GFRA1: variants seen among roughly 807,000 people sequenced by gnomAD.
GFRA1 encodes GDNF family receptor alpha 1, also known as GDNF family receptor alpha-1.
In GFRA1, 16 loss-of-function variants were observed where a neutral mutation model predicts 51.6. The observed-to-expected ratio is 0.31, with a 90% confidence interval of 0.21 to 0.47. The LOEUF is 0.47. Ranked by LOEUF, GFRA1 falls within the 20% of genes least tolerant of loss-of-function variation. The pLI, the probability that GFRA1 is intolerant of heterozygous loss-of-function variation, is 1.00. For synonymous variants in GFRA1, 270 were observed against 241.3 expected (o/e 1.12, Z -1.10); for missense variants, 530 against 594.3 (o/e 0.89, Z 1.13).
chr10:116,212,834 T>C (rs1413968760), intron 4 of GFRA1, among the ~76,000 whole-genome samples: 2 of 152,206 alleles, frequency 1.3e-5, no homozygotes, highest in Admixed American at 6.5e-5. Flanking sequence ...CAATTAGGAA[T>C]TGTGATGAAC....
chr10:116,214,170 C>A (rs111290978), intron 4 of GFRA1, among the ~76,000 whole-genome samples: 191 of 152,302 alleles, frequency 1.3e-3, no homozygotes, highest in African/African-American at 4.2e-3. Flanking sequence ...AGCCGGCACA[C>A]CTGGAGGAGC....
At chr10:116,134,841 T>A (rs1019038342) in intron 5 of GFRA1, among the ~76,000 whole-genome samples, 3 of 152,180 alleles carry the variant, frequency 2.0e-5, no homozygotes, top group African/African-American at 7.2e-5. Context: ...GCACATTCTG[T>A]CGCTTGCCTG....
intron 4 of GFRA1, among the ~76,000 whole-genome samples, chr10:116,248,330 T>A (rs1284085148): frequency 6.6e-6 from 1 of 152,174 alleles, no homozygotes; most frequent in African/African-American, 2.4e-5. Flanking sequence ...ACCTCCACCA[T>A]GCCAGGCTCA....
At position 116,082,076 on chromosome 10, in the gene GFRA1, C is replaced by T. The variant is rs150960785; in HGVS notation, c.1197+7665G>A. On this transcript the variant is annotated intron_variant, in intron 9 of 10. Transcript: ENST00000355422. The stretch of plus-strand genomic sequence containing the variant: ...AGAGGCAGGACTAGTTCTCAAATAC[C>T]GTCTTTTCTGCAACCAAGAATGTTT... Among the ~76,000 whole-genome samples, 12 of 152,248 alleles carry T rather than the reference C, an allele frequency of 7.9e-5. No individual in the cohort carries two copies. In the East Asian group the frequency reaches 2.3e-3, roughly 29 times the overall value.
At chr10:116,230,662 G>A (rs550403150) in intron 4 of GFRA1, among the ~76,000 whole-genome samples, 6 of 151,904 alleles carry the variant, frequency 3.9e-5, no homozygotes, top group Admixed American at 2.6e-4. Flanking sequence ...GAGGCCATAC[G>A]TACAAACAGG....
At chr10:116,273,644 ACACTCTCTCTCT>A (rs1276476085), upstream of GFRA1, among the ~76,000 whole-genome samples, 1 of 146,500 alleles carries the variant, frequency 6.8e-6, no homozygotes, top group Non-Finnish European at 1.5e-5. Context: ...CCAGACACAC[ACACTCTCTCTCT>A]CTCTCTCTCT....
chr10:116,059,697 T>C lies in GFRA1; in HGVS notation c.*4701A>G, dbSNP rs1416458749. Reference sequence around the variant, plus strand: ...CATTCTGCTGAAAACCACCCCTGCATTGTCTCTGGGAGGGAGGAGAAGCTC... The same window carrying C: ...CATTCTGCTGAAAACCACCCCTGCACTGTCTCTGGGAGGGAGGAGAAGCTC... On this transcript the variant is annotated 3_prime_UTR_variant, in exon 11 of 11. Transcript: ENST00000355422. 6.6e-6 allele frequency: 1 copy of C among 152,190 alleles called. No homozygotes were observed. Among genetic ancestry groups the C allele is most frequent in the Non-Finnish European group, 1.5e-5 (1 of 68,066 alleles). The allele number at this position is 152,190 out of a possible 1,614,324, so 9.4% of individuals were successfully genotyped here.
intron 5 of GFRA1, among the ~76,000 whole-genome samples, chr10:116,154,207 C>T (rs1304722174): frequency 6.6e-6 from 1 of 152,202 alleles, no homozygotes; most frequent in Admixed American, 6.5e-5. Context: ...TAAGCATTCT[C>T]TTACGACCTG....
chr10:116,212,852 T>A (rs1965306106), intron 4 of GFRA1, among the ~76,000 whole-genome samples: 1 of 152,248 alleles, frequency 6.6e-6, no homozygotes, highest in African/African-American at 2.4e-5. Context: ...AACATTTTCA[T>A]ACATATCTCT....
chr10:116,232,626 A>C (rs533300659), intron 4 of GFRA1, among the ~76,000 whole-genome samples: 1 of 152,364 alleles, frequency 6.6e-6, no homozygotes, highest in South Asian at 2.1e-4. Context: ...GCATAGATAG[A>C]GAGAAAAGGA....
intron 8 of GFRA1, 92 bp from the exon 9 acceptor site, chr10:116,090,014 C>T: frequency 6.8e-6 from 8 of 1,168,234 alleles, no homozygotes; most frequent in Non-Finnish European, 9.9e-6. Flanking sequence ...ACTAGAAATT[C>T]TGATTATAGC....
intron 4 of GFRA1, among the ~76,000 whole-genome samples, chr10:116,228,643 G>A (rs956162062): frequency 1.3e-5 from 2 of 152,098 alleles, no homozygotes; most frequent in African/African-American, 4.8e-5. Flanking sequence ...TCAGAGAGAT[G>A]CTGTGTTGCT....
intron 5 of GFRA1, among the ~76,000 whole-genome samples, chr10:116,179,887 G>A (rs1565631460): frequency 6.6e-6 from 1 of 152,246 alleles, no homozygotes; most frequent in East Asian, 1.9e-4. Context: ...AAATTCTAGA[G>A]TTTCCAGGGT....
At chr10:116,202,258 G>C (rs543293815) in intron 5 of GFRA1, among the ~76,000 whole-genome samples, 1 of 152,268 alleles carries the variant, frequency 6.6e-6, no homozygotes, top group African/African-American at 2.4e-5. Flanking sequence ...CCACTTGAGG[G>C]GTGGGGTGAG....
chr10:116,270,926 T>A lies in GFRA1; in HGVS notation c.230A>T (p.Glu77Val). The change falls in exon 3 of 11, where the codon GAG becomes GTG. Residue 77 changes from glutamate to valine, a missense_variant. By Grantham distance (121) the Glu-to-Val change is moderately radical (BLOSUM62 -2). Coordinates refer to ENST00000355422, the MANE Select transcript of GFRA1 (RefSeq NM_005264.8). ...GTAGAGCGACTTCTGCTTCAGGGCC[T>A]CCATGGCGCTGCGGCACTCATCCTT... ...EAKDECRSAM[E>V]ALKQKSLYNC... 6.2e-7 allele frequency: 1 copy of A among 1,614,002 alleles called. No individual in the cohort carries two copies. Among genetic ancestry groups the A allele is most frequent in the Admixed American group, 1.7e-5 (1 of 60,028 alleles).
intron 9 of GFRA1, among the ~76,000 whole-genome samples, chr10:116,066,812 A>G (rs1955135492): frequency 6.6e-6 from 1 of 152,196 alleles, no homozygotes; most frequent in African/African-American, 2.4e-5. Flanking sequence ...TTATTTGTCA[A>G]CGGGCTGAGC....
chr10:116,135,563 A>G (rs943708107), intron 5 of GFRA1, among the ~76,000 whole-genome samples: 1 of 152,250 alleles, frequency 6.6e-6, no homozygotes, highest in African/African-American at 2.4e-5. Flanking sequence ...CATTAAAAAG[A>G]TATTTGCAAA....
chr10:116,067,483 C>A lies in GFRA1; in HGVS notation c.1198-1857G>T, dbSNP rs201193353. On this transcript the variant is annotated intron_variant, in intron 9 of 10. Coordinates refer to ENST00000355422, the MANE Select transcript of GFRA1 (RefSeq NM_005264.8). Reference sequence around the variant, plus strand: ...GCTCGTGGTCACAGCCAAGTTGCGCCTGAGTGTCCTAGACCACAGTAGCTT... The same window carrying A: ...GCTCGTGGTCACAGCCAAGTTGCGCATGAGTGTCCTAGACCACAGTAGCTT... Among the ~76,000 whole-genome samples the A allele has an allele frequency of 2.6e-5, 4 of 152,328 alleles. No individual in the cohort carries two copies. In the East Asian group the frequency reaches 7.7e-4, roughly 29 times the overall value.
chr10:116,183,211 G>C lies in GFRA1; in HGVS notation c.433+28420C>G, dbSNP rs567172360. On this transcript the variant is annotated intron_variant, in intron 5 of 10. Coordinates refer to ENST00000355422, the MANE Select transcript of GFRA1 (RefSeq NM_005264.8). ...ATGAGGAAAGTTGTTTTACCCGCTGGGCCTGGGGTTCAAAGTTGATTCTCC... is the reference window on the plus strand; with the variant it reads ...ATGAGGAAAGTTGTTTTACCCGCTGCGCCTGGGGTTCAAAGTTGATTCTCC... Among the ~76,000 whole-genome samples, 3 of 152,170 alleles carry C rather than the reference G, an allele frequency of 2.0e-5. No individual in the cohort carries two copies. The East Asian group carries it at 5.8e-4, about 29-fold the overall frequency.
Sources: gnomAD v4.1 joint callset for allele counts (sites outside exome capture counted in the v4.1 genomes callset) on GRCh38, gnomAD v4.1.1 for gene constraint, MANE v1.5 for transcripts, NCBI Gene and HGNC (gene_info 2026-07-23, HGNC 2026-07-21) for gene names.